Variants in KRABD4 observed in about 807,000 individuals in gnomAD.
KRABD4 encodes the protein KRAB domain containing 4, also known as KRAB domain-containing protein 4.
chrX:46,462,455 A>T, the KRABD4 span: 42 of 288,400 alleles, frequency 1.5e-4, no homozygotes, highest in Non-Finnish European at 2.1e-4. Context: ...GGTTGCAATG[A>T]GCCAAGATTA....
At chrX:46,463,738 C>CT in the KRABD4 span, among the ~76,000 whole-genome samples, 18 of 104,847 alleles carry the variant, frequency 1.7e-4, no homozygotes, top group Admixed American at 6.1e-4. Context: ...GAAATTTGGC[C>CT]TTTTTTTTTT....
chrX:46,454,964 G>A, the KRABD4 span: 1 of 231,808 alleles, frequency 4.3e-6, no homozygotes. Flanking sequence ...CAAAAGATTG[G>A]ACACCCCTGC....
chrX:46,450,676 CTTTCTT>C, the KRABD4 span, among the ~76,000 whole-genome samples: 2 of 105,120 alleles, frequency 1.9e-5, no homozygotes, highest in African/African-American at 6.9e-5. Context: ...ACTTCTTGTT[CTTTCTT>C]TTTCTTTTTC....
At chrX:46,466,115 A>G in the KRABD4 span, among the ~76,000 whole-genome samples, 1 of 112,121 alleles carries the variant, frequency 8.9e-6, no homozygotes, top group Non-Finnish European at 1.9e-5. Flanking sequence ...CATTATAGTA[A>G]TGAAAACTGT....
At chrX:46,456,469 A>C in the KRABD4 span, 1 of 156,998 alleles carries the variant, frequency 6.4e-6, no homozygotes, top group Non-Finnish European at 1.3e-5. Context: ...ATGAGATGTA[A>C]AGCTTTTCTT....
the KRABD4 span, among the ~76,000 whole-genome samples, chrX:46,452,107 G>C: frequency 9.0e-6 from 1 of 111,490 alleles, no homozygotes; most frequent in African/African-American, 3.3e-5. Context: ...ACCATGCCCA[G>C]CCAATTTTTG....
chrX:46,459,512 A>T, the KRABD4 span, among the ~76,000 whole-genome samples: 1 of 111,010 alleles, frequency 9.0e-6, no homozygotes, highest in Non-Finnish European at 1.9e-5. Flanking sequence ...TCTGTAATTT[A>T]CTTGGGGGCT....
chrX:46,451,677 A>G, the KRABD4 span, among the ~76,000 whole-genome samples: 1 of 111,502 alleles, frequency 9.0e-6, no homozygotes, highest in East Asian at 2.8e-4. Flanking sequence ...CTAAATGTAA[A>G]GACCAGATAA....
At chrX:46,456,805 C>T in the KRABD4 span, 1 of 412,304 alleles carries the variant, frequency 2.4e-6, no homozygotes. Flanking sequence ...TCAGTGAGCT[C>T]CACATCCTCT....
chrX:46,463,150 A>T, the KRABD4 span: 1 of 1,172,168 alleles, frequency 8.5e-7, no homozygotes, highest in Non-Finnish European at 1.2e-6. Flanking sequence ...TAGGTTCTGG[A>T]ATTCCTCAGC....
At chrX:46,458,898 A>T in the KRABD4 span, among the ~76,000 whole-genome samples, 1 of 111,732 alleles carries the variant, frequency 8.9e-6, no homozygotes, top group African/African-American at 3.3e-5. Context: ...GAGGAGGACT[A>T]TAGAATAGTT....
the KRABD4 span, among the ~76,000 whole-genome samples, chrX:46,448,914 T>A: frequency 3.6e-5 from 4 of 112,219 alleles, no homozygotes; most frequent in African/African-American, 1.3e-4. Flanking sequence ...GTGCAGAAAA[T>A]ATATTTTTAG....
At chrX:46,455,516 G>T in the KRABD4 span, 1 of 433,503 alleles carries the variant, frequency 2.3e-6, no homozygotes, top group Non-Finnish European at 4.2e-6. Context: ...CCTGAGAAAT[G>T]GCCTCTTCCC....
the KRABD4 span, among the ~76,000 whole-genome samples, chrX:46,459,705 C>T: frequency 1.8e-5 from 2 of 111,782 alleles, no homozygotes; most frequent in African/African-American, 6.5e-5. Context: ...TCATGTTTAG[C>T]TATGTGTTAC....
At chrX:46,454,618 A>T in the KRABD4 span, among the ~76,000 whole-genome samples, 197 of 110,861 alleles carry the variant, frequency 1.8e-3, 4 homozygotes, top group South Asian at 0.033. Flanking sequence ...CCTGACCAAC[A>T]TGGTGAAACC....
the KRABD4 span, among the ~76,000 whole-genome samples, chrX:46,465,604 AAC>A: frequency 8.9e-6 from 1 of 112,690 alleles, no homozygotes; most frequent in Non-Finnish European, 1.9e-5. Flanking sequence ...TATCCATAAA[AAC>A]AGTTTTTTTT....
At chrX:46,456,901 T>TA in the KRABD4 span, 1 of 334,440 alleles carries the variant, frequency 3.0e-6, no homozygotes, top group Non-Finnish European at 5.1e-6. Flanking sequence ...TCATCTTTCT[T>TA]ACTGCGCTGA....
the KRABD4 span, among the ~76,000 whole-genome samples, chrX:46,457,753 TTTG>T: frequency 9.1e-6 from 1 of 109,496 alleles, no homozygotes; most frequent in African/African-American, 3.3e-5. Context: ...TGTTTGTTTG[TTTG>T]TTTTTTGAGA....
chrX:46,457,623 GTTTTTTTT>G, the KRABD4 span, among the ~76,000 whole-genome samples: 1 of 75,302 alleles, frequency 1.3e-5, no homozygotes, highest in Non-Finnish European at 2.6e-5. Context: ...GCCTTTCAGA[GTTTTTTTT>G]TTTTTTTTTT....
Sources: gnomAD v4.1 joint callset for allele counts (sites outside exome capture counted in the v4.1 genomes callset) on GRCh38, gnomAD v4.1.1 for gene constraint, MANE v1.5 for transcripts, NCBI Gene and HGNC (gene_info 2026-07-23, HGNC 2026-07-21) for gene names.